The following REV3L variants were observed in gnomAD, a reference collection of about 807,000 sequenced individuals.
REV3L encodes the protein REV3 like, DNA directed polymerase zeta catalytic subunit, also known as DNA polymerase zeta catalytic subunit.
REV3L carries 69 observed loss-of-function variants against 299.4 expected under a neutral mutation model. The observed-to-expected ratio is 0.23, with a 90% confidence interval of 0.19 to 0.28. REV3L has a LOEUF of 0.28. Among genes scored for constraint, REV3L ranks in the 10% least tolerant of loss-of-function variants. The pLI, the probability that REV3L is intolerant of heterozygous loss-of-function variation, is 1.00. For missense variants in REV3L, 3,128 were observed against 3,693.8 expected, an observed-to-expected ratio of 0.85 and a Z score of 3.97; for synonymous variants, 1,238 against 1,271.4, an observed-to-expected ratio of 0.97 and a Z score of 0.56.
intron 3 of REV3L, among the ~76,000 whole-genome samples, chr6:111,408,583 A>G (rs575349043): frequency 3.3e-4 from 50 of 149,718 alleles, no homozygotes; most frequent in Non-Finnish European, 6.1e-4. Context: ...CAGCCTGGGC[A>G]ACAGTGAGAC....
At chr6:111,478,497 A>G (rs1793211751) in intron 1 of REV3L, among the ~76,000 whole-genome samples, 1 of 152,168 alleles carries the variant, frequency 6.6e-6, no homozygotes, top group Admixed American at 6.5e-5. Flanking sequence ...TGATCTTAAA[A>G]TATTTTTAAA....
chr6:111,350,378 GTTC>G (rs1777462120), intron 19 of REV3L, among the ~76,000 whole-genome samples: 1 of 151,546 alleles, frequency 6.6e-6, no homozygotes, highest in East Asian at 1.9e-4. Flanking sequence ...ATTGTTTTAA[GTTC>G]TTCAAAATAA....
intron 5 of REV3L, 56 bp from the exon 6 acceptor site, chr6:111,390,236 A>G (rs1781779285): frequency 9.3e-7 from 1 of 1,074,030 alleles, no homozygotes; most frequent in Non-Finnish European, 1.4e-6. Context: ...ACTTTCTAAC[A>G]TTTTTCTTAC....
upstream of REV3L, chr6:111,483,632 G>A (rs1265333172): frequency 2.3e-6 from 1 of 436,754 alleles, no homozygotes; most frequent in South Asian, 1.6e-5. Flanking sequence ...CAGCAGAGGA[G>A]GCGGGGGCAG....
rs1562210635 is a variant in REV3L at position 111,374,744 on chromosome 6, C to G, written c.3611G>C (p.Gly1204Ala). 1 of 1,612,638 alleles carries G rather than the reference C, an allele frequency of 6.2e-7. No individual in the cohort carries two copies. Among genetic ancestry groups the G allele is most frequent in the South Asian group, 1.1e-5 (1 of 90,974 alleles). Residue 1204 changes from glycine to alanine, a missense_variant, in exon 13 of 32, where the codon GGA becomes GCA. Around this residue, in one of 9 missense-constraint regions of REV3L, gnomAD observed 2,409 missense variants for 2,611.8 expected, o/e 0.92. Transcript: ENST00000368802. ...RNQTNKLVDD[G>A]KKKPRAKQKT... ...TTGTTTTGCTCTTGGTTTCTTTTTT[C>G]CATCATCTACTAGTTTATTTGTCTG...
At chr6:111,381,043 A>G (rs1780780266) in intron 10 of REV3L, among the ~76,000 whole-genome samples, 1 of 152,262 alleles carries the variant, frequency 6.6e-6, no homozygotes, top group East Asian at 1.9e-4. Context: ...TTTGCAAAAT[A>G]TTAATTCAAA....
intron 27 of REV3L, 156 bp from the exon 28 acceptor site, chr6:111,313,645 G>A: frequency 1.6e-6 from 1 of 621,042 alleles, no homozygotes; most frequent in Non-Finnish European, 2.6e-6. Context: ...ATAACACGTG[G>A]GAGCAAAATG....
Position 111,412,098 on chromosome 6 carries a change from G to C in REV3L, c.330-544C>G, listed in dbSNP as rs547161539. ...TATTATTATTTTATAAGTTCAATAA[G>C]CAGAGACAATGTACCTATTATATGT... On this transcript the variant is annotated intron_variant, in intron 2 of 31. Transcript: ENST00000368802. 4.4e-4 allele frequency: 430 copies of C among 984,916 alleles called. 1 individual carries two copies. Among genetic ancestry groups the C allele is most frequent in the Non-Finnish European group, 5.0e-4 (414 of 829,648 alleles). The allele number at this position is 984,916 out of a possible 1,614,324, so 61.0% of individuals were successfully genotyped here. A position where few individuals can be genotyped will look rare whatever the true frequency, so the allele number is the denominator to read the frequency against.
chr6:111,315,636 G>C (rs1562109091), intron 26 of REV3L: 3 of 435,062 alleles, frequency 6.9e-6, no homozygotes, highest in Non-Finnish European at 1.3e-5. Flanking sequence ...CAGTAGTCAA[G>C]AAAGTCCTGG....
chr6:111,448,786 A>T (rs1270667308), intron 1 of REV3L, among the ~76,000 whole-genome samples: 11 of 133,520 alleles, frequency 8.2e-5, no homozygotes, highest in Admixed American at 1.5e-4. Flanking sequence ...ACACTTGGCT[A>T]TTTTTTTTTT....
At chr6:111,357,506 C>T (rs1045772942) in intron 17 of REV3L, among the ~76,000 whole-genome samples, 2 of 152,122 alleles carry the variant, frequency 1.3e-5, no homozygotes, top group African/African-American at 4.8e-5. Flanking sequence ...TCCTGGTTAA[C>T]ATGGTGAAAC....
intron 11 of REV3L, 38 bp from the exon 12 acceptor site, chr6:111,377,881 T>C (rs1387952272): frequency 1.9e-6 from 3 of 1,565,674 alleles, no homozygotes; most frequent in Non-Finnish European, 2.6e-6. Flanking sequence ...GCATGATCAT[T>C]AGTAAAGACC....
intron 1 of REV3L, among the ~76,000 whole-genome samples, chr6:111,461,693 C>T (rs551313391): frequency 6.6e-6 from 1 of 151,922 alleles, no homozygotes; most frequent in African/African-American, 2.4e-5. Flanking sequence ...ACATATAAAG[C>T]TATGTATTAT....
At chr6:111,389,031 G>A in intron 7 of REV3L, 75 bp downstream of exon 7, 1 of 1,095,466 alleles carries the variant, frequency 9.1e-7, no homozygotes, top group South Asian at 1.4e-5. Context: ...AATGTCAAAG[G>A]AACAACTCAA....
chr6:111,422,052 C>T (rs1001926902), intron 1 of REV3L, among the ~76,000 whole-genome samples: 1 of 152,032 alleles, frequency 6.6e-6, no homozygotes, highest in African/African-American at 2.4e-5. Context: ...TACTCTTAGC[C>T]TTGGAAATTA....
At chr6:111,310,214 AT>A (rs1484825906) in intron 29 of REV3L, 115 bp from the exon 30 acceptor site, 2 of 1,273,576 alleles carry the variant, frequency 1.6e-6, no homozygotes, top group Non-Finnish European at 2.1e-6. Context: ...ACAAAAGACA[AT>A]TTCAAAACAG....
intron 1 of REV3L, among the ~76,000 whole-genome samples, chr6:111,461,263 T>C (rs996512071): frequency 1.4e-4 from 22 of 152,188 alleles, no homozygotes; most frequent in African/African-American, 5.1e-4. Flanking sequence ...AGCTTGACTC[T>C]CTGTGGGCCT....
At chr6:111,313,940 AT>A (rs1192424257) in intron 27 of REV3L, among the ~76,000 whole-genome samples, 1 of 152,160 alleles carries the variant, frequency 6.6e-6, no homozygotes, top group African/African-American at 2.4e-5. Flanking sequence ...TACTTCCTAT[AT>A]GGAGTCTCCC....
At position 111,347,290 on chromosome 6, in the gene REV3L, A is replaced by AT. The variant is rs1254081836; in HGVS notation, c.7419+1927_7419+1928insA. Reference sequence around the variant, plus strand: ...TCTCATAAATAAATAAAATAAAAAAAAATATATATATATAATGAAATATAC... The same window carrying AT: ...TCTCATAAATAAATAAAATAAAAAAATAATATATATATATAATGAAATATAC... On this transcript the variant is annotated intron_variant, in intron 20 of 31. Transcript: ENST00000368802. Among the ~76,000 whole-genome samples, 300 of 150,850 alleles carry AT rather than the reference A, an allele frequency of 2.0e-3. 1 individual carries two copies. Among genetic ancestry groups the AT allele is most frequent in the African/African-American group, 6.0e-3 (250 of 41,370 alleles).
Sources: gnomAD v4.1 joint callset for allele counts (sites outside exome capture counted in the v4.1 genomes callset) on GRCh38, gnomAD v4.1.1 for gene constraint, gnomAD v4.1.1 regional missense constraint, MANE v1.5 for transcripts, NCBI Gene and HGNC (gene_info 2026-07-23, HGNC 2026-07-21) for gene names.